ZNF804B: variants seen among roughly 807,000 people sequenced by gnomAD.
ZNF804B encodes the protein zinc finger 804B.
In ZNF804B, 80 loss-of-function variants were observed where a neutral mutation model predicts 101.4. That is an observed-to-expected ratio of 0.79 (90% CI 0.66 to 0.95). The LOEUF (loss-of-function observed/expected upper bound fraction) is 0.95, where lower values mean the gene tolerates loss of function less well. ZNF804B is among the 40% of genes least tolerant of loss of function. The pLI is 0.00. For synonymous variants in ZNF804B, 622 were observed against 558.8 expected (o/e 1.11, Z -1.59); for missense variants, 1,673 against 1,561.9 (o/e 1.07, Z -1.20).
At position 88,774,610 on chromosome 7, in the gene ZNF804B, A is replaced by G. The variant is rs181646653; in HGVS notation, c.108+14526A>G. 4.1e-3 allele frequency among the ~76,000 whole-genome samples: 630 copies of G among 152,310 alleles called. 4 individuals are homozygous for G. Among genetic ancestry groups the G allele is most frequent in the African/African-American group, 0.015 (605 of 41,566 alleles). Reference sequence around the variant, plus strand: ...TACATTAGAGGTATCTATTCATCCTACTAAGTATTTATTCTTCAATGTGAA... The same window carrying G: ...TACATTAGAGGTATCTATTCATCCTGCTAAGTATTTATTCTTCAATGTGAA... On this transcript the variant is annotated intron_variant, in intron 1 of 3. Transcript: ENST00000333190.
chr7:88,840,415 T>G (rs946687151), intron 1 of ZNF804B, among the ~76,000 whole-genome samples: 18 of 152,178 alleles, frequency 1.2e-4, no homozygotes, highest in Admixed American at 5.2e-4. Context: ...TAACAATATC[T>G]AGCCTTGTTT....
chr7:88,931,720 G>T (rs1267423864), intron 1 of ZNF804B, among the ~76,000 whole-genome samples: 2 of 151,602 alleles, frequency 1.3e-5, no homozygotes, highest in Admixed American at 6.6e-5. Flanking sequence ...GCTTATCATT[G>T]TATTCTCTGA....
chr7:89,253,410 G>A (rs762877168), intron 2 of ZNF804B, among the ~76,000 whole-genome samples: 5 of 152,118 alleles, frequency 3.3e-5, no homozygotes, highest in African/African-American at 4.8e-5. Flanking sequence ...ATAGGTATAA[G>A]TAGAGATGCT....
chr7:88,959,342 G>A (rs986764884), intron 1 of ZNF804B, among the ~76,000 whole-genome samples: 1 of 151,304 alleles, frequency 6.6e-6, no homozygotes, highest in Non-Finnish European at 1.5e-5. Flanking sequence ...AAATATGTGG[G>A]TCCAGATTGT....
chr7:88,889,623 A>G (rs1317027723), intron 1 of ZNF804B, among the ~76,000 whole-genome samples: 1 of 152,212 alleles, frequency 6.6e-6, no homozygotes, highest in Admixed American at 6.5e-5. Flanking sequence ...CCCTTTGCCC[A>G]CTTTTTGATG....
chr7:89,013,480 G>A (rs1453092206), intron 1 of ZNF804B, among the ~76,000 whole-genome samples: 1 of 151,996 alleles, frequency 6.6e-6, no homozygotes, highest in Non-Finnish European at 1.5e-5. Context: ...AATTAAGTTG[G>A]GATATCTGAG....
rs751431005 is a variant in ZNF804B at position 89,336,990 on chromosome 7, T to C, written c.4008T>C (p.Asn1336=). 6.2e-7 allele frequency: 1 copy of C among 1,614,060 alleles called. No individual in the cohort carries two copies. The highest frequency in any genetic ancestry group is 8.5e-7 in the Non-Finnish European group (1 of 1,179,964). ...GCTCTAGCCAGATGCAACAGCTAAATGAAGTGAAAGAGGCCTTAAATGTGT... is the reference window on the plus strand; with the variant it reads ...GCTCTAGCCAGATGCAACAGCTAAACGAAGTGAAAGAGGCCTTAAATGTGT... ...HSCSSQMQQL[N]EVKEALNVST... Residue 1336 remains asparagine, a synonymous_variant, in exon 4 of 4, where the codon AAT becomes AAC. Coordinates refer to ENST00000333190, the MANE Select transcript of ZNF804B (RefSeq NM_181646.5).
At chr7:89,220,568 T>G (rs1788988808) in intron 2 of ZNF804B, among the ~76,000 whole-genome samples, 1 of 151,970 alleles carries the variant, frequency 6.6e-6, no homozygotes. Flanking sequence ...CATTGTTACA[T>G]TATTTTGAAG....
At chr7:88,772,286 A>G (rs1389208484) in intron 1 of ZNF804B, among the ~76,000 whole-genome samples, 2 of 152,194 alleles carry the variant, frequency 1.3e-5, no homozygotes, top group Non-Finnish European at 2.9e-5. Context: ...GTTACAAAAA[A>G]ACCATAAATC....
chr7:89,118,597 A>T (rs6942514), intron 1 of ZNF804B, among the ~76,000 whole-genome samples: 100,452 of 151,924 alleles, frequency 0.66, 34,606 homozygotes, highest in African/African-American at 0.86. Flanking sequence ...GGCCGTAATA[A>T]GAAGTGCCCC....
chr7:88,935,189 A>T (rs1792948424), intron 1 of ZNF804B, among the ~76,000 whole-genome samples: 1 of 151,774 alleles, frequency 6.6e-6, no homozygotes, highest in African/African-American at 2.4e-5. Flanking sequence ...GGAAAACCAA[A>T]TATCATATGT....
intron 1 of ZNF804B, among the ~76,000 whole-genome samples, chr7:89,212,864 T>A (rs1788825908): frequency 6.6e-6 from 1 of 152,294 alleles, no homozygotes; most frequent in East Asian, 1.9e-4. Flanking sequence ...GGAGGCATAC[T>A]GGAGTGGCAT....
chr7:89,225,115 T>C (rs972773994), intron 2 of ZNF804B, among the ~76,000 whole-genome samples: 1 of 152,196 alleles, frequency 6.6e-6, no homozygotes, highest in South Asian at 2.1e-4. Flanking sequence ...ACCTCTTCAG[T>C]AGGACATTTC....
chr7:89,003,147 G>T (rs908653058), intron 1 of ZNF804B, among the ~76,000 whole-genome samples: 1 of 151,578 alleles, frequency 6.6e-6, no homozygotes, highest in African/African-American at 2.4e-5. Context: ...TTTCATATGT[G>T]GGAAGGTTTT....
Position 88,902,979 on chromosome 7 carries a change from C to T in ZNF804B, c.108+142895C>T, listed in dbSNP as rs531508546. On this transcript the variant is annotated intron_variant, in intron 1 of 3. Transcript: ENST00000333190. ...AACTTTTATTTTACATATGGGAGTA[C>T]GTGTGCAGGTTTGTTACATGGATAT... 7.2e-5 allele frequency among the ~76,000 whole-genome samples: 11 copies of T among 151,778 alleles called. No homozygotes were observed. The South Asian group carries it at 1.0e-3, about 14-fold the overall frequency.
At chr7:88,918,949 A>G (rs1792678187) in intron 1 of ZNF804B, among the ~76,000 whole-genome samples, 1 of 152,152 alleles carries the variant, frequency 6.6e-6, no homozygotes, top group African/African-American at 2.4e-5. Flanking sequence ...GCAAAAGACA[A>G]GAAAAAAGGA....
chr7:88,798,570 AT>A (rs1162255992), intron 1 of ZNF804B, among the ~76,000 whole-genome samples: 2 of 151,874 alleles, frequency 1.3e-5, no homozygotes, highest in Non-Finnish European at 2.9e-5. Flanking sequence ...TTTTCAAATT[AT>A]TTTTTTGCTA....
At chr7:89,137,211 A>G (rs1790650420) in intron 1 of ZNF804B, among the ~76,000 whole-genome samples, 1 of 152,084 alleles carries the variant, frequency 6.6e-6, no homozygotes, top group Non-Finnish European at 1.5e-5. Flanking sequence ...AGGGGCTGGA[A>G]CGGTTTGGAG....
At chr7:88,975,780 G>A (rs1231251207) in intron 1 of ZNF804B, among the ~76,000 whole-genome samples, 1 of 151,548 alleles carries the variant, frequency 6.6e-6, no homozygotes, top group Non-Finnish European at 1.5e-5. Context: ...AATTTGATGT[G>A]ATTGCACTTG....
Sources: allele counts gnomAD v4.1 joint callset (sites outside exome capture counted in the v4.1 genomes callset), GRCh38; gene constraint gnomAD v4.1.1; transcripts MANE v1.5; gene names NCBI Gene and HGNC (gene_info 2026-07-23, HGNC 2026-07-21).